The following TOGARAM1 variants were observed in gnomAD, a reference collection of about 807,000 sequenced individuals.
TOGARAM1 encodes TOG array regulator of axonemal microtubules 1.
In TOGARAM1, 100 loss-of-function variants were observed where a neutral mutation model predicts 166.6. The ratio of observed to expected loss-of-function variants is 0.60; its 90% CI spans 0.51 to 0.71. The LOEUF is 0.71. Among genes scored for constraint, TOGARAM1 ranks in the 30% least tolerant of loss-of-function variants. TOGARAM1 has a pLI of 0.00. For synonymous variants in TOGARAM1, 758 were observed against 763.8 expected (o/e 0.99, Z 0.13); for missense variants, 2,029 against 2,102.7 (o/e 0.96, Z 0.69).
At chr14:45,045,583 ATGTG>A (rs1200414644) in intron 13 of TOGARAM1, among the ~76,000 whole-genome samples, 3,368 of 36,334 alleles carry the variant, frequency 0.093, 189 homozygotes, top group Admixed American at 0.14. Context: ...ATATATATAT[ATGTG>A]TGTGTGTGTG....
At chr14:45,036,225 C>T (rs577899996) in intron 11 of TOGARAM1, among the ~76,000 whole-genome samples, 1 of 148,766 alleles carries the variant, frequency 6.7e-6, no homozygotes, top group African/African-American at 2.5e-5. Flanking sequence ...GGCAGTATTG[C>T]TTTACCAAGG....
Position 45,032,249 on chromosome 14 carries a change from C to T in TOGARAM1, c.3685C>T (p.Gln1229Ter). The T allele has an allele frequency of 6.2e-7, 1 of 1,612,954 alleles. No individual in the cohort carries two copies. Among genetic ancestry groups the T allele is most frequent in the Non-Finnish European group, 8.5e-7 (1 of 1,179,630 alleles). ...TGAAACACCTACTGGAGCTATTTCA[C>T]AGTATAAAGAAAGGATGCCTTCTGT... is the stretch of plus-strand genomic sequence containing the variant. The part of the protein sequence containing the change: ...ESETPTGAIS[Q>*]YKERMPSVTH... Residue 1229 changes from glutamine (Q) to a stop codon, truncating the protein, a stop_gained, in exon 11 of 20, where the codon CAG becomes TAG. Coordinates refer to ENST00000361462, the MANE Select transcript of TOGARAM1 (RefSeq NM_001308120.2). LOFTEE classifies it high-confidence loss of function.
chr14:45,008,572 A>G lies in TOGARAM1; in HGVS notation c.2905-341A>G, dbSNP rs1299876076. On this transcript the variant is annotated intron_variant, in intron 5 of 19. Coordinates refer to ENST00000361462, the MANE Select transcript of TOGARAM1 (RefSeq NM_001308120.2). ...CACCAGGTGTACCTCTGTGACATCAACTCTGATATCTACCATCTGATTCAA... is the reference window on the plus strand; with the variant it reads ...CACCAGGTGTACCTCTGTGACATCAGCTCTGATATCTACCATCTGATTCAA... Among the ~76,000 whole-genome samples, 5 of 151,996 alleles carry G rather than the reference A, an allele frequency of 3.3e-5. No homozygotes were observed. In the South Asian group the frequency reaches 8.3e-4, roughly 25 times the overall value.
chr14:45,006,626 ACATAG>A (rs1404538383), intron 5 of TOGARAM1: 2 of 158,136 alleles, frequency 1.3e-5, no homozygotes, highest in Non-Finnish European at 2.8e-5. Flanking sequence ...AATAAATGAA[ACATAG>A]CATAGTTCTC....
At chr14:45,062,823 C>T (rs774457047) in intron 16 of TOGARAM1, among the ~76,000 whole-genome samples, 1 of 152,186 alleles carries the variant, frequency 6.6e-6, no homozygotes, top group Non-Finnish European at 1.5e-5. Context: ...TTTCAACATA[C>T]AGTGGGTTTA....
chr14:44,967,954 G>A (rs2138716146), intron 1 of TOGARAM1, among the ~76,000 whole-genome samples: 1 of 152,222 alleles, frequency 6.6e-6, no homozygotes, highest in East Asian at 1.9e-4. Flanking sequence ...TCTTAAGACT[G>A]CTTGTCATGT....
chr14:45,019,827 A>G (rs985429529), intron 7 of TOGARAM1, among the ~76,000 whole-genome samples: 2 of 152,276 alleles, frequency 1.3e-5, no homozygotes, highest in African/African-American at 4.8e-5. Flanking sequence ...CCCTCTCAAC[A>G]GGAAAACTCA....
chr14:44,971,701 A>G (rs1594606684), intron 1 of TOGARAM1, among the ~76,000 whole-genome samples: 1 of 152,252 alleles, frequency 6.6e-6, no homozygotes, highest in East Asian at 1.9e-4. Flanking sequence ...AATTTCCTCT[A>G]GGCACCGCTT....
chr14:45,041,465 G>A (rs76595308), intron 11 of TOGARAM1, among the ~76,000 whole-genome samples: 7,069 of 152,178 alleles, frequency 0.046, 532 homozygotes, highest in African/African-American at 0.16. Flanking sequence ...TTATCCCAAA[G>A]TTTTTACGAA....
intron 11 of TOGARAM1, among the ~76,000 whole-genome samples, chr14:45,038,712 C>T (rs1036761404): frequency 3.3e-5 from 5 of 152,162 alleles, no homozygotes; most frequent in East Asian, 1.9e-4. Flanking sequence ...CTCACCTTCT[C>T]GTTGCCCACA....
intron 16 of TOGARAM1, among the ~76,000 whole-genome samples, chr14:45,062,824 A>C (rs955722466): frequency 6.6e-6 from 1 of 152,222 alleles, no homozygotes; most frequent in Non-Finnish European, 1.5e-5. Flanking sequence ...TTCAACATAC[A>C]GTGGGTTTAT....
At chr14:44,965,906 G>A (rs1014132275) in intron 1 of TOGARAM1, among the ~76,000 whole-genome samples, 8 of 125,206 alleles carry the variant, frequency 6.4e-5, no homozygotes, top group Admixed American at 2.0e-4. Context: ...ATGGAGTCTC[G>A]CCCTGTTGCC....
intron 11 of TOGARAM1, among the ~76,000 whole-genome samples, chr14:45,041,359 C>A (rs1202549302): frequency 1.3e-5 from 2 of 152,142 alleles, no homozygotes; most frequent in East Asian, 3.9e-4. Context: ...TGAGATCACG[C>A]CACTGCACTC....
rs780706315 is a variant in TOGARAM1, at chr14:44,964,034, C to T, written c.1613C>T (p.Ala538Val). 4 of 1,614,036 alleles carry T rather than the reference C, an allele frequency of 2.5e-6. No homozygotes were observed. The African/African-American group carries it at 5.3e-5, about 22-fold the overall frequency. ...GCTTTAGAAGCTTTTGCCGTATTGGCATCATCAATGGGCTCAGGTAAAACC... is the reference window on the plus strand; with the variant it reads ...GCTTTAGAAGCTTTTGCCGTATTGGTATCATCAATGGGCTCAGGTAAAACC... ...QAALEAFAVLASSMGSGKTSI... is the reference protein window; with the variant it reads ...QAALEAFAVLVSSMGSGKTSI... Residue 538 changes from alanine (A) to valine (V), a missense_variant, in exon 1 of 20, where the codon GCA becomes GTA. Ala to Val is a moderately conservative substitution (Grantham distance 64, BLOSUM62 0). Coordinates refer to ENST00000361462, the MANE Select transcript of TOGARAM1 (RefSeq NM_001308120.2).
At chr14:45,019,150 G>T (rs1010362573) in intron 7 of TOGARAM1, among the ~76,000 whole-genome samples, 2 of 152,110 alleles carry the variant, frequency 1.3e-5, no homozygotes, top group Non-Finnish European at 2.9e-5. Context: ...CCCAGTTATG[G>T]AGGCTTAAAG....
chr14:45,063,479 G>GTTTTTTTTTTTTTTTTTTTTTTTTT (rs373702236), intron 16 of TOGARAM1, among the ~76,000 whole-genome samples: 2 of 118,686 alleles, frequency 1.7e-5, no homozygotes, highest in African/African-American at 3.6e-5. Flanking sequence ...ATTTGACAAA[G>GTTTTTTTTTTTTTTTTTTTTTTTTT]TTTTTTTTTT....
chr14:45,066,081 G>A (rs1260113314), intron 16 of TOGARAM1, among the ~76,000 whole-genome samples: 1 of 152,168 alleles, frequency 6.6e-6, no homozygotes, highest in Non-Finnish European at 1.5e-5. Flanking sequence ...CTGGGAGTCT[G>A]GAATTTTGGT....
Position 45,068,520 on chromosome 14 carries a change from G to A in TOGARAM1, c.4846G>A (p.Asp1616Asn). 2 of 1,613,526 alleles carry A rather than the reference G, an allele frequency of 1.2e-6. No homozygotes were observed. The highest frequency in any genetic ancestry group is 1.7e-6 in the Non-Finnish European group (2 of 1,179,748). Residue 1616 changes from aspartate (D) to asparagine (N), a missense_variant, in exon 18 of 20, where the codon GAC becomes AAC. Physicochemically the swap from Asp to Asn is conservative, Grantham distance 23 (BLOSUM62 1). Around this residue, in one of 2 missense-constraint regions of TOGARAM1, gnomAD observed 576 missense variants for 670.5 expected, o/e 0.86. Coordinates refer to ENST00000361462, the MANE Select transcript of TOGARAM1 (RefSeq NM_001308120.2). ...TMHKMIPLLRDHLSPIINMLI... is the reference protein window; with the variant it reads ...TMHKMIPLLRNHLSPIINMLI... ...GCACAAAATGATTCCTCTACTTAGA[G>A]ACCACTTATCTCCTATAATCAACAT...
In TOGARAM1 at chr14:44,977,914, T is replaced by C. The variant is rs555220055; in HGVS notation, c.2046+13447T>C. ...ATCCTCCCTCCACTGCCTCTGAAAGTGCTGGGATTACAGGCATGAGCCACT... is the reference window on the plus strand; with the variant it reads ...ATCCTCCCTCCACTGCCTCTGAAAGCGCTGGGATTACAGGCATGAGCCACT... On this transcript the variant is annotated intron_variant, in intron 1 of 19. Transcript: ENST00000361462. 1.2e-4 allele frequency among the ~76,000 whole-genome samples: 19 copies of C among 152,314 alleles called. No individual in the cohort carries two copies. The South Asian group carries it at 3.9e-3, about 32-fold the overall frequency.
Sources: gnomAD v4.1 joint callset for allele counts (sites outside exome capture counted in the v4.1 genomes callset) on GRCh38, gnomAD v4.1.1 for gene constraint, gnomAD v4.1.1 regional missense constraint, MANE v1.5 for transcripts, NCBI Gene and HGNC (gene_info 2026-07-23, HGNC 2026-07-21) for gene names.